The following ANKRD54 variants were observed in gnomAD, a reference collection of about 807,000 sequenced individuals.
ANKRD54 encodes ankyrin repeat domain 54.
Under a neutral mutation model 36.2 loss-of-function variants are expected in ANKRD54, and 26 were observed. That is an observed-to-expected ratio of 0.72 (90% CI 0.53 to 1.00). ANKRD54 has a LOEUF of 1.00. Ranked by LOEUF, ANKRD54 falls within the 50% of genes least tolerant of loss-of-function variation. ANKRD54 has a pLI of 0.00. For synonymous variants in ANKRD54, 209 were observed against 188.4 expected (o/e 1.11, Z -0.89); for missense variants, 384 against 424.3 (o/e 0.91, Z 0.83).
At position 37,831,943 on chromosome 22, in the gene ANKRD54, C is replaced by G; in HGVS notation, c.903G>C (p.Ter301TyrextTer36). 6.2e-7 allele frequency: 1 copy of G among 1,613,412 alleles called. No homozygotes were observed. Among genetic ancestry groups the G allele is most frequent in the Non-Finnish European group, 8.5e-7 (1 of 1,179,792 alleles). Residue 301 changes from the stop codon to tyrosine, a stop_lost, in exon 8 of 8, where the codon TAG (stop) becomes TAC (tyrosine). Coordinates refer to ENST00000215941, the MANE Select transcript of ANKRD54 (RefSeq NM_138797.4). ...SLQMQSMEKR* is the reference protein window; with the variant it reads ...SLQMQSMEKRY ...GCAGGAAGGCAGGGAGCCTCTCTTG[C>G]TACCTCTTCTCCATGCTCTGCATCT...
intron 3 of ANKRD54, among the ~76,000 whole-genome samples, chr22:37,835,835 T>C (rs1923449584): frequency 6.6e-6 from 1 of 151,856 alleles, no homozygotes; most frequent in Admixed American, 6.6e-5. Flanking sequence ...AAACTAGTTT[T>C]TTTTGTTTGT....
chr22:37,832,760 G>T lies in ANKRD54; in HGVS notation c.721-16C>A. ...TATGGATGATCTGGAACAAGAGGGT[G>T]AGCTGAGCTGCCTGGGTTCCTAGGG... On this transcript the variant is annotated splice_polypyrimidine_tract_variant and intron_variant, in intron 6 of 7. Coordinates refer to ENST00000215941, the MANE Select transcript of ANKRD54 (RefSeq NM_138797.4). 1.9e-6 allele frequency: 3 copies of T among 1,613,586 alleles called. No individual in the cohort carries two copies. The highest frequency in any genetic ancestry group is 2.5e-6 in the Non-Finnish European group (3 of 1,179,554).
chr22:37,831,782 C>G lies in ANKRD54; in HGVS notation c.*161G>C. On this transcript the variant is annotated 3_prime_UTR_variant, in exon 8 of 8. Transcript: ENST00000215941. ...CTGTGGCTGGGAGTGGCTCTGAGGC[C>G]GTGGAGAGAGAGCATCTCTGCCCCA... 1.5e-6 allele frequency: 1 copy of G among 659,760 alleles called. No individual in the cohort carries two copies. 40.9% of individuals were successfully genotyped at this position (659,760 alleles called of 1,614,324 possible). A position where few individuals can be genotyped will look rare whatever the true frequency, so the allele number is the denominator to read the frequency against.
intron 3 of ANKRD54, among the ~76,000 whole-genome samples, chr22:37,836,165 G>T (rs1923498761): frequency 6.7e-6 from 1 of 149,858 alleles, no homozygotes; most frequent in African/African-American, 2.4e-5. Context: ...GGACAAAAGA[G>T]GCCAGGTGCG....
At chr22:37,832,114 T>G in intron 7 of ANKRD54, 97 bp from the exon 8 acceptor site, 2 of 1,190,338 alleles carry the variant, frequency 1.7e-6, no homozygotes, top group Non-Finnish European at 2.4e-6. Context: ...ACAGGCACGG[T>G]CTCTCCTCCC....
At position 37,844,090 on chromosome 22, in the gene ANKRD54, C is replaced by T; in HGVS notation, c.149G>A (p.Gly50Asp). The T allele has an allele frequency of 6.9e-7, 1 of 1,447,756 alleles. No individual in the cohort carries two copies. 89.7% of individuals were successfully genotyped at this position (1,447,756 alleles called of 1,614,324 possible). Residue 50 changes from glycine to aspartate, a missense_variant, in exon 1 of 8, where the codon GGC becomes GAC. Coordinates refer to ENST00000215941, the MANE Select transcript of ANKRD54 (RefSeq NM_138797.4). Reference protein sequence around the residue: ...ADFGSALGGGGAGLSGRASGG... With the variant: ...ADFGSALGGGDAGLSGRASGG... ...GGACGCCCGGCCCGAGAGGCCCGCG[C>T]CGCCGCCGCCCAGCGCAGACCCGAA...
At chr22:37,841,341 C>T (rs1364129857) in intron 1 of ANKRD54, among the ~76,000 whole-genome samples, 2 of 151,992 alleles carry the variant, frequency 1.3e-5, no homozygotes, top group African/African-American at 4.8e-5. Context: ...CCCTGGGCAA[C>T]ATGGTGAAAC....
Position 37,844,212 on chromosome 22 carries a change from G to C in ANKRD54, c.27C>G (p.Asp9Glu), listed in dbSNP as rs924645357. 2 of 1,525,280 alleles carry C rather than the reference G, an allele frequency of 1.3e-6. No individual in the cohort carries two copies. The highest frequency in any genetic ancestry group is 8.7e-7 in the Non-Finnish European group (1 of 1,146,128). 94.5% of individuals were successfully genotyped at this position (1,525,280 alleles called of 1,614,324 possible). A position where few individuals can be genotyped will look rare whatever the true frequency, so the allele number is the denominator to read the frequency against. The change falls in exon 1 of 8, where the codon GAC becomes GAG. Residue 9 changes from aspartate (D) to glutamate (E), a missense_variant. Transcript: ENST00000215941. MAAAAGDA[D>E]DEPRSGHSSS... ...TCGAGTGGCCTGAGCGCGGCTCGTC[G>C]TCCGCGTCCCCGGCGGCGGCTGCCA...
At chr22:37,836,831 C>G (rs1453559094) in intron 3 of ANKRD54, among the ~76,000 whole-genome samples, 1 of 152,028 alleles carries the variant, frequency 6.6e-6, no homozygotes, top group South Asian at 2.1e-4. Context: ...GAGTTTGTGA[C>G]TAGCCTGGCC....
upstream of ANKRD54, chr22:37,847,909 TCAGAG>T (rs1924932434): frequency 7.7e-6 from 2 of 259,698 alleles, no homozygotes. Context: ...GTGGATGGCA[TCAGAG>T]CAGACACCTG....
chr22:37,844,575 G>A, upstream of ANKRD54: 1 of 297,906 alleles, frequency 3.4e-6, no homozygotes, highest in South Asian at 1.1e-4. Flanking sequence ...ACCGGAGCCA[G>A]TAAAACAGCA....
intron 1 of ANKRD54, chr22:37,843,501 C>A (rs540064656): frequency 1.9e-4 from 30 of 155,732 alleles, no homozygotes; most frequent in Admixed American, 3.3e-4. Flanking sequence ...CTATCATTTG[C>A]CCTAAGGTCT....
Position 37,844,074 on chromosome 22 carries a change from G to A in ANKRD54, c.165C>T (p.Gly55=), listed in dbSNP as rs1197575750. The A allele has an allele frequency of 6.9e-6, 10 of 1,440,102 alleles. No individual in the cohort carries two copies. The Admixed American group carries it at 2.7e-4, about 39-fold the overall frequency. 89.2% of individuals were successfully genotyped at this position (1,440,102 alleles called of 1,614,324 possible). The change falls in exon 1 of 8, where the codon GGC becomes GGT. Residue 55 remains glycine (G), a synonymous_variant. Coordinates refer to ENST00000215941, the MANE Select transcript of ANKRD54 (RefSeq NM_138797.4). ...GCGACTGGGCCCCGCCGGACGCCCG[G>A]CCCGAGAGGCCCGCGCCGCCGCCGC... ...ALGGGGAGLS[G]RASGGAQSPL...
chr22:37,847,734 C>A, upstream of ANKRD54: 1 of 435,690 alleles, frequency 2.3e-6, no homozygotes, highest in South Asian at 1.8e-5. Context: ...GTGACTCTTC[C>A]TTGGTTCAGG....
intron 3 of ANKRD54, among the ~76,000 whole-genome samples, chr22:37,836,435 G>GA (rs1192092811): frequency 1.5e-5 from 1 of 67,848 alleles, no homozygotes; most frequent in Non-Finnish European, 2.6e-5. Flanking sequence ...AACAAAGAGT[G>GA]AAACTCTGTC....
rs1569104014 is a variant in ANKRD54 at position 37,843,955 on chromosome 22, GCAGCGCGCCTCAGCCGGC to G, written c.266_283del (p.Gly89_Ala94del). 3 of 1,397,276 alleles carry G rather than the reference GCAGCGCGCCTCAGCCGGC, an allele frequency of 2.1e-6. No individual in the cohort carries two copies. Among genetic ancestry groups the G allele is most frequent in the Non-Finnish European group, 1.9e-6 (2 of 1,078,188 alleles). 86.6% of individuals were successfully genotyped at this position (1,397,276 alleles called of 1,614,324 possible). The stretch of plus-strand genomic sequence containing the variant: ...GGGCCCGAGCCGCCGGTGGGGCCTG[GCAGCGCGCCTCAGCCGGC>G]CAGCGGGTATCTTGCAGCGCAGCTC... On this transcript the variant is annotated inframe_deletion, in exon 1 of 8. Transcript: ENST00000215941.
chr22:37,832,920 C>T, intron 6 of ANKRD54, 38 bp downstream of exon 6: 5 of 1,610,796 alleles, frequency 3.1e-6, no homozygotes, highest in Non-Finnish European at 4.2e-6. Context: ...TCCAGTGCTG[C>T]CTTGGTGCCG....
Position 37,844,125 on chromosome 22 carries a change from G to A in ANKRD54, c.114C>T (p.Ser38=). 1.3e-6 allele frequency: 2 copies of A among 1,492,156 alleles called. No homozygotes were observed. Among genetic ancestry groups the A allele is most frequent in the South Asian group, 1.3e-5 (1 of 79,504 alleles). 92.4% of individuals were successfully genotyped at this position (1,492,156 alleles called of 1,614,324 possible). A position where few individuals can be genotyped will look rare whatever the true frequency, so the allele number is the denominator to read the frequency against. ...CCAGCGCAGACCCGAAGTCAGCGAA[G>A]GAGAAGAGGCCCTCAGCGTCAGTCA... is the stretch of plus-strand genomic sequence containing the variant. ...EPLTDAEGLF[S]FADFGSALGG... Residue 38 remains serine (S), a synonymous_variant, in exon 1 of 8, where the codon TCC becomes TCT. Coordinates refer to ENST00000215941, the MANE Select transcript of ANKRD54 (RefSeq NM_138797.4).
chr22:37,841,700 T>A (rs999703966), intron 1 of ANKRD54, among the ~76,000 whole-genome samples: 1 of 151,472 alleles, frequency 6.6e-6, no homozygotes, highest in African/African-American at 2.4e-5. Context: ...ATACAAAAAT[T>A]AGCCAGGCAT....
Sources: gnomAD v4.1 joint callset for allele counts (sites outside exome capture counted in the v4.1 genomes callset) on GRCh38, gnomAD v4.1.1 for gene constraint, MANE v1.5 for transcripts, NCBI Gene and HGNC (gene_info 2026-07-23, HGNC 2026-07-21) for gene names.